Variants in DIP2C observed in about 807,000 individuals in gnomAD.
The protein encoded by DIP2C is disco-interacting protein 2 homolog C.
In DIP2C, 33 loss-of-function variants were observed where a neutral mutation model predicts 192.4. The observed-to-expected ratio is 0.17, with a 90% CI of 0.13 to 0.23. The LOEUF is 0.23. DIP2C is among the 10% of genes least tolerant of loss of function. The pLI, the probability that DIP2C is intolerant of heterozygous loss-of-function variation, is 1.00. For missense variants in DIP2C, 1,537 were observed against 2,110.1 expected (o/e 0.73, Z 5.32); for synonymous variants, 979 against 864.1 (o/e 1.13, Z -2.33).
At chr10:537,713 T>C (rs896543318) in intron 1 of DIP2C, among the ~76,000 whole-genome samples, 3 of 152,062 alleles carry the variant, frequency 2.0e-5, no homozygotes, top group Non-Finnish European at 2.9e-5. Flanking sequence ...CAACTCTAGG[T>C]GGTGCAAACC....
intron 16 of DIP2C, 60 bp downstream of exon 16, chr10:383,963 GAAAA>G (rs5782550): frequency 1.5e-3 from 1,752 of 1,171,042 alleles, no homozygotes; most frequent in South Asian, 6.5e-3. Context: ...CCTGCCTCAC[GAAAA>G]AAAAAAAAAA....
In DIP2C at chr10:434,811, G is replaced by A. The variant is rs142606533; in HGVS notation, c.394+6060C>T. 3.4e-3 allele frequency among the ~76,000 whole-genome samples: 511 copies of A among 152,104 alleles called. 7 individuals are homozygous for A. The highest frequency in any genetic ancestry group is 0.011 in the African/African-American group (476 of 41,474). ...ATATTTCACTCTACTTCTTGCTTTC[G>A]TGGTTTTTGAGGGGAAGTTGAATAG... On this transcript the variant is annotated intron_variant, in intron 4 of 36. Transcript: ENST00000280886.
chr10:561,085 T>A (rs1455953156), intron 1 of DIP2C, among the ~76,000 whole-genome samples: 1 of 152,174 alleles, frequency 6.6e-6, no homozygotes, highest in Non-Finnish European at 1.5e-5. Flanking sequence ...CATCTTACAT[T>A]TATTTGATTG....
intron 31 of DIP2C, chr10:311,537 C>A (rs1309770664): frequency 1.6e-6 from 2 of 1,232,320 alleles, no homozygotes; most frequent in Non-Finnish European, 2.0e-6. Flanking sequence ...AGTCCCCTAC[C>A]TGCTCGGCCA....
rs1463525137 is a variant in DIP2C at position 636,733 on chromosome 10, G to A, written c.85+52761C>T. The stretch of plus-strand genomic sequence containing the variant: ...ATCTGTGATGACTTTTCGAGAGTCT[G>A]GGGCCAACGTCCTGCAGAACGTCCC... On this transcript the variant is annotated intron_variant, in intron 1 of 36. Transcript: ENST00000280886. This position sits in a 1 kb window ranked among gnomAD's most constrained non-coding sequence, Gnocchi z 4.6. Among the ~76,000 whole-genome samples, 1 of 152,166 alleles carries A rather than the reference G, an allele frequency of 6.6e-6. No homozygotes were observed. The highest frequency in any genetic ancestry group is 1.5e-5 in the Non-Finnish European group (1 of 68,032).
chr10:565,354 TA>T (rs59721670), intron 1 of DIP2C, among the ~76,000 whole-genome samples: 5,151 of 114,030 alleles, frequency 0.045, 320 homozygotes, highest in African/African-American at 0.14. Context: ...ACCTGCATTC[TA>T]AAAAAAAAAA....
chr10:459,669 C>G (rs1227080536), intron 3 of DIP2C, among the ~76,000 whole-genome samples: 1 of 150,292 alleles, frequency 6.7e-6, no homozygotes, highest in Non-Finnish European at 1.5e-5. Flanking sequence ...CCAGTCACAT[C>G]AGGGAACGGC....
At chr10:298,075 C>T (rs1439404264) in intron 32 of DIP2C, among the ~76,000 whole-genome samples, 3 of 152,162 alleles carry the variant, frequency 2.0e-5, no homozygotes, top group Non-Finnish European at 4.4e-5. Context: ...AACAGTGAGA[C>T]GATTTAAATC....
chr10:434,352 C>T (rs1166204059), intron 4 of DIP2C, among the ~76,000 whole-genome samples: 2 of 152,176 alleles, frequency 1.3e-5, no homozygotes, highest in African/African-American at 4.8e-5. Context: ...CATTATAGCT[C>T]ACCGCAGCCT....
intron 10 of DIP2C, among the ~76,000 whole-genome samples, chr10:391,672 A>T (rs771207989): frequency 2.6e-5 from 4 of 152,226 alleles, no homozygotes; most frequent in Non-Finnish European, 4.4e-5. Flanking sequence ...GCTCCAAAAC[A>T]GCCAGGGTTC....
chr10:460,498 C>T (rs1969684343), intron 3 of DIP2C, among the ~76,000 whole-genome samples: 1 of 152,068 alleles, frequency 6.6e-6, no homozygotes, highest in Non-Finnish European at 1.5e-5. Flanking sequence ...TGAGAAAATA[C>T]ATCCAGTAGA....
chr10:504,362 G>A (rs888451744), intron 1 of DIP2C, among the ~76,000 whole-genome samples: 1 of 151,874 alleles, frequency 6.6e-6, no homozygotes, highest in Non-Finnish European at 1.5e-5. Context: ...CTGGCCACCC[G>A]CTGATACCCT....
At chr10:446,570 C>A (rs1968239008) in intron 3 of DIP2C, among the ~76,000 whole-genome samples, 1 of 152,204 alleles carries the variant, frequency 6.6e-6, no homozygotes, top group Admixed American at 6.5e-5. Context: ...CCTTTTAGTT[C>A]TCCTGACTCA....
intron 1 of DIP2C, among the ~76,000 whole-genome samples, chr10:687,317 C>A (rs889981062): frequency 6.6e-6 from 1 of 152,196 alleles, no homozygotes; most frequent in Admixed American, 6.5e-5. Flanking sequence ...TTCCAAATGA[C>A]CTTACAGCAC....
At chr10:503,394 C>A (rs1845387171) in intron 1 of DIP2C, among the ~76,000 whole-genome samples, 1 of 152,172 alleles carries the variant, frequency 6.6e-6, no homozygotes, top group African/African-American at 2.4e-5. Context: ...ATAATAAGCA[C>A]TCGGAAACTA....
chr10:471,074 C>T (rs562717443), intron 3 of DIP2C, among the ~76,000 whole-genome samples: 60 of 152,190 alleles, frequency 3.9e-4, no homozygotes, highest in Middle Eastern at 6.8e-3. Flanking sequence ...CAATATGTGT[C>T]GGGGCTTAAG....
At chr10:332,873 T>G (rs1464433657) in intron 29 of DIP2C, among the ~76,000 whole-genome samples, 5 of 152,194 alleles carry the variant, frequency 3.3e-5, no homozygotes, top group Non-Finnish European at 1.5e-5. Context: ...AGGGTCTCCC[T>G]ACACACTTGA....
At chr10:439,636 A>G (rs530418546) in intron 4 of DIP2C, among the ~76,000 whole-genome samples, 1 of 152,196 alleles carries the variant, frequency 6.6e-6, no homozygotes, top group East Asian at 1.9e-4. Flanking sequence ...AACAAACAAA[A>G]AACAACAAAA....
chr10:360,065 G>A (rs1174230579), intron 22 of DIP2C, among the ~76,000 whole-genome samples: 1 of 152,232 alleles, frequency 6.6e-6, no homozygotes, highest in African/African-American at 2.4e-5. Flanking sequence ...TAGGGAAAGC[G>A]AGCTTTTGAG....
Sources: allele counts gnomAD v4.1 joint callset (sites outside exome capture counted in the v4.1 genomes callset), GRCh38; gene constraint gnomAD v4.1.1; non-coding constraint Gnocchi (gnomAD v3.1); transcripts MANE v1.5; gene names NCBI Gene and HGNC (gene_info 2026-07-23, HGNC 2026-07-21).